ITGAM: variants seen among roughly 807,000 people sequenced by gnomAD.
ITGAM encodes the protein integrin alpha-M.
A neutral mutation model predicts 137.5 loss-of-function variants in ITGAM; 79 were observed. The ratio of observed to expected loss-of-function variants is 0.57; its 90% CI spans 0.48 to 0.69. ITGAM has a LOEUF of 0.69. Among genes scored for constraint, ITGAM ranks in the 30% least tolerant of loss-of-function variants. The probability of loss-of-function intolerance (pLI) is 0.00; values close to 1 mark genes in which losing one functional copy is unlikely to be tolerated. For missense variants in ITGAM, 1,343 were observed against 1,483.5 expected (o/e 0.91, Z 1.56); for synonymous variants, 583 against 592.3 (o/e 0.98, Z 0.23).
At chr16:31,311,948 C>T (rs189435991) in intron 14 of ITGAM, among the ~76,000 whole-genome samples, 1,723 of 151,838 alleles carry the variant, frequency 0.011, 26 homozygotes, top group African/African-American at 0.032. Flanking sequence ...TGGAACACTA[C>T]GCAGCCATAA....
intron 12 of ITGAM, among the ~76,000 whole-genome samples, chr16:31,295,262 A>G (rs1431291843): frequency 6.6e-6 from 1 of 152,138 alleles, no homozygotes; most frequent in Non-Finnish European, 1.5e-5. Context: ...TTGTAAAAAA[A>G]TGCCATTGGG....
rs2080512153 is a variant in ITGAM, at chr16:31,326,770, T to G, written c.2629-86T>G. The G allele has an allele frequency of 5.4e-6, 5 of 929,410 alleles. No individual in the cohort carries two copies. In the Admixed American group the frequency reaches 5.4e-5, roughly 10 times the overall value. 57.6% of individuals were successfully genotyped at this position (929,410 alleles called of 1,614,324 possible). On this transcript the variant is annotated intron_variant, in intron 21 of 29. Coordinates refer to ENST00000544665, the MANE Select transcript of ITGAM (RefSeq NM_000632.4). Reference sequence around the variant, plus strand: ...TCCTGTTGCATGGATGGGCCATATTTCATGTCTCCATTAATCAGATGACGG... The same window carrying G: ...TCCTGTTGCATGGATGGGCCATATTGCATGTCTCCATTAATCAGATGACGG...
intron 16 of ITGAM, among the ~76,000 whole-genome samples, chr16:31,322,077 T>C (rs940723945): frequency 6.6e-6 from 1 of 152,150 alleles, no homozygotes; most frequent in African/African-American, 2.4e-5. Context: ...ATACTAAGAA[T>C]AACTGTCTCT....
intron 11 of ITGAM, among the ~76,000 whole-genome samples, chr16:31,277,517 C>A (rs2079921684): frequency 6.6e-6 from 1 of 152,142 alleles, no homozygotes; most frequent in Non-Finnish European, 1.5e-5. Flanking sequence ...TGCCACCATG[C>A]CCAGCTAATT....
At chr16:31,331,005 G>A (rs2144511329) in intron 28 of ITGAM, among the ~76,000 whole-genome samples, 160 bp from the exon 29 acceptor site, 1 of 152,132 alleles carries the variant, frequency 6.6e-6, no homozygotes, top group South Asian at 2.1e-4. Context: ...AACGGAGGAG[G>A]GAGAGGAGGG....
intron 8 of ITGAM, among the ~76,000 whole-genome samples, chr16:31,274,901 G>C (rs1466267457): frequency 6.6e-6 from 1 of 152,208 alleles, no homozygotes; most frequent in African/African-American, 2.4e-5. Flanking sequence ...TTATAGGCAT[G>C]AGCCACTGCA....
At chr16:31,275,070 G>A (rs1302644816) in intron 8 of ITGAM, among the ~76,000 whole-genome samples, 1 of 152,170 alleles carries the variant, frequency 6.6e-6, no homozygotes, top group Admixed American at 6.6e-5. Flanking sequence ...GAGCCCAGAG[G>A]CAATGAAGGG....
chr16:31,281,017 TG>T (rs2079963261), intron 12 of ITGAM, among the ~76,000 whole-genome samples: 1 of 152,114 alleles, frequency 6.6e-6, no homozygotes, highest in Non-Finnish European at 1.5e-5. Context: ...TGATGGATTA[TG>T]TTTATTGATT....
At chr16:31,331,614 A>G in intron 29 of ITGAM, 22 bp from the exon 30 acceptor site, 1 of 1,573,396 alleles carries the variant, frequency 6.4e-7, no homozygotes, top group Non-Finnish European at 8.6e-7. Flanking sequence ...TGTCGCTCTC[A>G]CTGCCCTCCT....
Position 31,295,185 on chromosome 16 carries a change from T to C in ITGAM, c.1357-2329T>C, listed in dbSNP as rs529377200. On this transcript the variant is annotated intron_variant, in intron 12 of 29. Transcript: ENST00000544665. ...TATGATGCCTCCAGTATTTTTTTTC[T>C]TGAGGATTGCTTTGGCTATTTAGGG... 2.6e-5 allele frequency among the ~76,000 whole-genome samples: 4 copies of C among 152,280 alleles called. No individual in the cohort carries two copies. The East Asian group carries it at 7.7e-4, about 29-fold the overall frequency.
chr16:31,297,976 TGTC>T, intron 14 of ITGAM, 22 bp downstream of exon 14: 1 of 1,577,616 alleles, frequency 6.3e-7, no homozygotes, highest in Non-Finnish European at 8.7e-7. Flanking sequence ...TCACTGTCCT[TGTC>T]ATGACAGTAG....
At chr16:31,282,887 T>A (rs2079985309) in intron 12 of ITGAM, among the ~76,000 whole-genome samples, 1 of 152,254 alleles carries the variant, frequency 6.6e-6, no homozygotes, top group African/African-American at 2.4e-5. Flanking sequence ...TAGTGCTTCC[T>A]TCAGGAGCTC....
intron 1 of ITGAM, 104 bp from the exon 2 acceptor site, chr16:31,261,588 G>T: frequency 5.9e-6 from 4 of 678,908 alleles, no homozygotes; most frequent in Non-Finnish European, 1.1e-5. Flanking sequence ...CACAATCAGG[G>T]CTCAAGTGAT....
At chr16:31,287,634 G>A in intron 12 of ITGAM, among the ~76,000 whole-genome samples, 1 of 151,978 alleles carries the variant, frequency 6.6e-6, no homozygotes, top group Non-Finnish European at 1.5e-5. Flanking sequence ...CTGTAGTTCT[G>A]TGTGTTTTTA....
At chr16:31,311,786 T>C (rs2080334804) in intron 14 of ITGAM, among the ~76,000 whole-genome samples, 1 of 152,158 alleles carries the variant, frequency 6.6e-6, no homozygotes, top group African/African-American at 2.4e-5. Context: ...CATTACTGGG[T>C]ATATACCCAA....
In ITGAM at chr16:31,297,926, G is replaced by A. The variant is rs1167052728; in HGVS notation, c.1679G>A (p.Gly560Glu). The A allele has an allele frequency of 3.7e-6, 6 of 1,613,750 alleles. No individual in the cohort carries two copies. The Admixed American group carries it at 8.3e-5, about 22-fold the overall frequency. ...GAVYLFHGTS[G>E]SGISPSHSQR... ...GTTTACCTGTTTCACGGAACCTCAG[G>A]ATCTGGCATCAGCCCCTCCCATAGC... is the stretch of plus-strand genomic sequence containing the variant. The change falls in exon 14 of 30, where the codon GGA (glycine) becomes GAA (glutamate). Residue 560 changes from glycine to glutamate, a missense_variant. By Grantham distance (98) the Gly-to-Glu change is moderately conservative (BLOSUM62 -2). Coordinates refer to ENST00000544665, the MANE Select transcript of ITGAM (RefSeq NM_000632.4).
At chr16:31,302,400 CTTTTCTTT>C (rs746801014) in intron 14 of ITGAM, among the ~76,000 whole-genome samples, 1,475 of 142,600 alleles carry the variant, frequency 0.01, 43 homozygotes, top group African/African-American at 0.018. Flanking sequence ...TTTTTCTTTT[CTTTTCTTT>C]TTTCTTTCTT....
At chr16:31,295,416 T>G (rs1741180015) in intron 12 of ITGAM, among the ~76,000 whole-genome samples, 2 of 151,988 alleles carry the variant, frequency 1.3e-5, no homozygotes, top group Admixed American at 1.3e-4. Flanking sequence ...TTCACCTCTC[T>G]GGTTAAATTT....
chr16:31,277,055 T>A lies in ITGAM; in HGVS notation c.1213+6T>A. The A allele has an allele frequency of 1.2e-6, 2 of 1,607,768 alleles. No individual in the cohort carries two copies. The highest frequency in any genetic ancestry group is 1.7e-6 in the Non-Finnish European group (2 of 1,176,674). Reference sequence around the variant, plus strand: ...CATGAATGATGCTTACTTGGGTAAGTGGGGAGGGCAAGGGTTACTCTAAGA... The same window carrying A: ...CATGAATGATGCTTACTTGGGTAAGAGGGGAGGGCAAGGGTTACTCTAAGA... On this transcript the variant is annotated splice_donor_region_variant and intron_variant, in intron 11 of 29. Coordinates refer to ENST00000544665, the MANE Select transcript of ITGAM (RefSeq NM_000632.4).
Sources: gnomAD v4.1 joint callset for allele counts (sites outside exome capture counted in the v4.1 genomes callset) on GRCh38, gnomAD v4.1.1 for gene constraint, MANE v1.5 for transcripts, NCBI Gene and HGNC (gene_info 2026-07-23, HGNC 2026-07-21) for gene names.